Variants in MFN1 observed in about 807,000 individuals in gnomAD.
MFN1 encodes mitofusin-1.
In MFN1, 65 loss-of-function variants were observed where a neutral mutation model predicts 92.4. The observed-to-expected ratio is 0.70, with a 90% CI of 0.58 to 0.86. The LOEUF (loss-of-function observed/expected upper bound fraction) is 0.86, where lower values mean the gene tolerates loss of function less well. Ranked by LOEUF, MFN1 falls within the 40% of genes least tolerant of loss-of-function variation. The pLI, the probability that MFN1 is intolerant of heterozygous loss-of-function variation, is 0.00. For synonymous variants in MFN1, 297 were observed against 300.9 expected, an observed-to-expected ratio of 0.99 and a Z score of 0.13; for missense variants, 781 against 868.0, an observed-to-expected ratio of 0.90 and a Z score of 1.26.
rs1712706908 is a variant in MFN1, at chr3:179,364,501, G to GA, written c.645+102dup. On this transcript the variant is annotated intron_variant, in intron 6 of 17. Transcript: ENST00000471841. ...CAAGGGAAATCCATATCGTGGATTA[G>GA]AAAAAACTTCTAAAAACAGGCATGA... 13 of 973,646 alleles carry GA rather than the reference G, an allele frequency of 1.3e-5. No individual in the cohort carries two copies. In the South Asian group the frequency reaches 1.8e-4, roughly 13 times the overall value. 60.3% of individuals were successfully genotyped at this position (973,646 alleles called of 1,614,324 possible).
intron 12 of MFN1, 124 bp downstream of exon 12, chr3:179,377,572 C>G (rs1713290416): frequency 5.4e-6 from 3 of 558,542 alleles, no homozygotes; most frequent in South Asian, 3.0e-5. Context: ...CTCTTGTGCC[C>G]TCTTGTAATA....
In MFN1 at chr3:179,377,087, CT is replaced by C; in HGVS notation, c.1146del (p.Phe382LeufsTer6). ...GGGAAGACCAAATTGATAGACTGGA[CT>C]TTATTCGAAACCAGATGAACCTTTT... ...EREDQIDRLD[F>X]IRNQMNLLTL... On this transcript the variant is annotated frameshift_variant, in exon 11 of 18. Coordinates refer to ENST00000471841, the MANE Select transcript of MFN1 (RefSeq NM_033540.3). LOFTEE classifies it high-confidence loss of function. 1 of 1,613,636 alleles carries C rather than the reference CT, an allele frequency of 6.2e-7. No homozygotes were observed.
At position 179,394,748 on chromosome 3, in the gene MFN1, C is replaced by T. The variant is rs1177475093; in HGVS notation, c.*2689C>T. On this transcript the variant is annotated 3_prime_UTR_variant, in exon 18 of 18. Coordinates refer to ENST00000471841, the MANE Select transcript of MFN1 (RefSeq NM_033540.3). The stretch of plus-strand genomic sequence containing the variant: ...ACTCTTATGCCTAGAAATATGTGCA[C>T]CTATGACCAAGCCCATGAATTATAC... 2.6e-5 allele frequency: 4 copies of T among 152,154 alleles called. No individual in the cohort carries two copies. Among genetic ancestry groups the T allele is most frequent in the African/African-American group, 9.7e-5 (4 of 41,438 alleles). 9.4% of individuals were successfully genotyped at this position (152,154 alleles called of 1,614,324 possible). A position where few individuals can be genotyped will look rare whatever the true frequency, so the allele number is the denominator to read the frequency against.
At chr3:179,360,563 AAT>A (rs1199709767) in intron 4 of MFN1, among the ~76,000 whole-genome samples, 6 of 152,036 alleles carry the variant, frequency 3.9e-5, no homozygotes, top group African/African-American at 4.8e-5. Context: ...AAAAAAAAAA[AAT>A]AAAAGGAAAA....
intron 4 of MFN1, among the ~76,000 whole-genome samples, chr3:179,360,021 T>C (rs1020661087): frequency 2.0e-5 from 3 of 152,098 alleles, no homozygotes; most frequent in Non-Finnish European, 4.4e-5. Context: ...GCTCAAGTGA[T>C]TCTCCTCCCT....
intron 8 of MFN1, 46 bp downstream of exon 8, chr3:179,367,638 A>G: frequency 6.6e-7 from 1 of 1,516,930 alleles, no homozygotes. Flanking sequence ...AAAATATTTA[A>G]AATTGGCTGG....
At chr3:179,370,918 AT>A (rs1712999224) in intron 9 of MFN1, among the ~76,000 whole-genome samples, 1 of 152,024 alleles carries the variant, frequency 6.6e-6, no homozygotes, top group East Asian at 1.9e-4. Flanking sequence ...AAGTGTTTTG[AT>A]TCATTTTATC....
chr3:179,348,887 G>A lies in MFN1; in HGVS notation c.36G>A (p.Val12=). The A allele has an allele frequency of 6.2e-7, 1 of 1,608,942 alleles. No homozygotes were observed. The highest frequency in any genetic ancestry group is 2.2e-5 in the East Asian group (1 of 44,812). The change falls in exon 2 of 18, where the codon GTG becomes GTA. Residue 12 remains valine, a synonymous_variant. Transcript: ENST00000471841. Reference sequence around the variant, plus strand: ...CTGTTTCTCCACTGAAGCACTTTGTGCTGGCTAAGAAGGCGATTACTGCAA... The same window carrying A: ...CTGTTTCTCCACTGAAGCACTTTGTACTGGCTAAGAAGGCGATTACTGCAA... ...AEPVSPLKHF[V]LAKKAITAIF...
At chr3:179,359,088 C>T in intron 4 of MFN1, 86 bp downstream of exon 4, 2 of 1,319,224 alleles carry the variant, frequency 1.5e-6, no homozygotes, top group Admixed American at 2.7e-5. Flanking sequence ...AAGATGTCTG[C>T]ATCGCTGACA....
Position 179,368,075 on chromosome 3 carries a change from A to G in MFN1, c.947A>G (p.Glu316Gly), listed in dbSNP as rs748305038. ...GAAGGATTTCATGCAAGATTACAGG[A>G]ATTTCAGAATTTTGAACAAATCTTT... ...LAEGFHARLQ[E>G]FQNFEQIFEE... Residue 316 changes from glutamate to glycine, a missense_variant, in exon 9 of 18, where the codon GAA becomes GGA. Glu to Gly is a moderately conservative substitution (Grantham distance 98). Coordinates refer to ENST00000471841, the MANE Select transcript of MFN1 (RefSeq NM_033540.3). The G allele has an allele frequency of 6.4e-7, 1 of 1,574,326 alleles. No individual in the cohort carries two copies. The highest frequency in any genetic ancestry group is 8.6e-7 in the Non-Finnish European group (1 of 1,158,288).
Position 179,362,984 on chromosome 3 carries a change from C to T in MFN1, c.536+502C>T, listed in dbSNP as rs149640140. On this transcript the variant is annotated intron_variant, in intron 5 of 17. Coordinates refer to ENST00000471841, the MANE Select transcript of MFN1 (RefSeq NM_033540.3). Reference sequence around the variant, plus strand: ...AATGTTAACTAGTTTAGCTTTATTTCATAGCCAGATTGTATCTATGACCCA... The same window carrying T: ...AATGTTAACTAGTTTAGCTTTATTTTATAGCCAGATTGTATCTATGACCCA... 1.4e-4 allele frequency among the ~76,000 whole-genome samples: 22 copies of T among 152,156 alleles called. No homozygotes were observed. The East Asian group carries it at 4.0e-3, about 28-fold the overall frequency.
intron 2 of MFN1, among the ~76,000 whole-genome samples, chr3:179,350,179 C>T (rs1447587558): frequency 6.6e-6 from 1 of 151,858 alleles, no homozygotes; most frequent in African/African-American, 2.4e-5. Flanking sequence ...ATGCACCTCT[C>T]AACTATACAA....
chr3:179,370,977 CAT>C (rs1211780036), intron 9 of MFN1, among the ~76,000 whole-genome samples: 4 of 152,172 alleles, frequency 2.6e-5, no homozygotes, highest in Non-Finnish European at 4.4e-5. Context: ...GTGGTCACAT[CAT>C]GTGGCTTTTA....
intron 10 of MFN1, chr3:179,376,773 T>C: frequency 4.1e-6 from 1 of 244,538 alleles, no homozygotes; most frequent in Non-Finnish European, 7.9e-6. Context: ...CATTCTGTTT[T>C]GCCTGTTCAT....
In MFN1 at chr3:179,377,341, C is replaced by T; in HGVS notation, c.1225-3C>T. 6.3e-7 allele frequency: 1 copy of T among 1,584,734 alleles called. No individual in the cohort carries two copies. The highest frequency in any genetic ancestry group is 1.2e-5 in the South Asian group (1 of 85,380). On this transcript the variant is annotated splice_region_variant and splice_polypyrimidine_tract_variant and intron_variant, in intron 11 of 17. Transcript: ENST00000471841. ...TTTAACTCCAAAATTTTCATATTTT[C>T]AGGTTTCATGTGCAATGACAGATGA...
At chr3:179,351,176 TTA>T (rs1712132793) in intron 2 of MFN1, among the ~76,000 whole-genome samples, 1 of 152,192 alleles carries the variant, frequency 6.6e-6, no homozygotes, top group African/African-American at 2.4e-5. Context: ...TATTCCTGAG[TTA>T]TAAAAAAAAC....
In MFN1 at chr3:179,377,453, G is replaced by GTT. The variant is rs750013523; in HGVS notation, c.1329+6_1329+7dup. 7 of 1,480,682 alleles carry GTT rather than the reference G, an allele frequency of 4.7e-6. No individual in the cohort carries two copies. In the African/African-American group the frequency reaches 9.8e-5, roughly 21 times the overall value. The allele number at this position is 1,480,682 out of a possible 1,614,324, so 91.7% of individuals were successfully genotyped here. ...GTATTAAAAATATATAAAAGTGTAA[G>GTT]TTAAAGTATAGATAAAATTATTCAG... On this transcript the variant is annotated splice_donor_region_variant and intron_variant, in intron 12 of 17. Transcript: ENST00000471841.
chr3:179,380,880 G>C (rs770629406), intron 14 of MFN1, among the ~76,000 whole-genome samples: 5 of 152,188 alleles, frequency 3.3e-5, no homozygotes, highest in Non-Finnish European at 7.3e-5. Context: ...GCCTCTGCCT[G>C]TCACTACATT....
rs1258447867 is a variant in MFN1 at position 179,374,312 on chromosome 3, TAACA to T, written c.976-907_976-904del. ...TGCAAGACTGTCAAAAATATATATA[TAACA>T]TATATAACATATATATGTAATATAT... On this transcript the variant is annotated intron_variant, in intron 9 of 17. Transcript: ENST00000471841. 7.8e-4 allele frequency among the ~76,000 whole-genome samples: 50 copies of T among 63,754 alleles called. No individual in the cohort carries two copies. In the South Asian group the frequency reaches 0.014, roughly 17 times the overall value. 41.8% of individuals were successfully genotyped at this position (63,754 alleles called of 152,430 possible).
Sources: gnomAD v4.1 joint callset for allele counts (sites outside exome capture counted in the v4.1 genomes callset) on GRCh38, gnomAD v4.1.1 for gene constraint, MANE v1.5 for transcripts, NCBI Gene and HGNC (gene_info 2026-07-23, HGNC 2026-07-21) for gene names.